The following DIAPH3 variants were observed in gnomAD, a reference collection of about 807,000 sequenced individuals.
DIAPH3 encodes diaphanous related formin 3.
In DIAPH3, 117 loss-of-function variants were observed where a neutral mutation model predicts 144.3. That is an observed-to-expected ratio of 0.81 (90% CI 0.70 to 0.95). DIAPH3 has a LOEUF of 0.95. Among genes scored for constraint, DIAPH3 ranks in the 40% least tolerant of loss-of-function variants. The pLI, the probability that DIAPH3 is intolerant of heterozygous loss-of-function variation, is 0.00. For synonymous variants in DIAPH3, 519 were observed against 488.9 expected, an observed-to-expected ratio of 1.06 and a Z score of -0.81; for missense variants, 1,421 against 1,412.7, an observed-to-expected ratio of 1.01 and a Z score of -0.09.
At chr13:59,895,276 G>GA (rs1212111001) in intron 20 of DIAPH3, among the ~76,000 whole-genome samples, 17 of 151,988 alleles carry the variant, frequency 1.1e-4, no homozygotes, top group South Asian at 4.2e-4. Flanking sequence ...CACTAAACGG[G>GA]AAAAAATCAC....
At chr13:60,050,463 T>G (rs59624755) in intron 4 of DIAPH3, among the ~76,000 whole-genome samples, 21 of 152,250 alleles carry the variant, frequency 1.4e-4, no homozygotes, top group African/African-American at 4.8e-4. Flanking sequence ...GAGTGTCAAA[T>G]GTTTTTGTAT....
intron 22 of DIAPH3, among the ~76,000 whole-genome samples, chr13:59,842,550 G>A (rs999508785): frequency 1.3e-5 from 2 of 151,932 alleles, no homozygotes; most frequent in Admixed American, 1.3e-4. Context: ...CTTCAATTCC[G>A]ATACTAACTA....
At chr13:60,137,825 G>C (rs116904670) in intron 1 of DIAPH3, among the ~76,000 whole-genome samples, 5,515 of 148,240 alleles carry the variant, frequency 0.037, 134 homozygotes, top group East Asian at 0.062. Flanking sequence ...TCAGGTTCAA[G>C]TGATGCTCCT....
intron 22 of DIAPH3, among the ~76,000 whole-genome samples, chr13:59,850,400 T>G (rs1419163525): frequency 2.0e-5 from 3 of 151,602 alleles, no homozygotes; most frequent in African/African-American, 4.9e-5. Context: ...CTTGTGCCAG[T>G]TTTCAAAGGG....
chr13:59,830,225 C>T (rs1333428926), intron 24 of DIAPH3, among the ~76,000 whole-genome samples: 2 of 151,598 alleles, frequency 1.3e-5, no homozygotes, highest in South Asian at 4.2e-4. Flanking sequence ...GAGTTTTTGC[C>T]AATATTGCTA....
chr13:60,127,122 A>G (rs970005366), intron 2 of DIAPH3, among the ~76,000 whole-genome samples: 2 of 152,146 alleles, frequency 1.3e-5, no homozygotes, highest in African/African-American at 2.4e-5. Flanking sequence ...AGAAAAACAC[A>G]GAAAACACAA....
Position 59,735,099 on chromosome 13 carries a change from C to G in DIAPH3, c.3319+39090G>C, listed in dbSNP as rs535688890. On this transcript the variant is annotated intron_variant, in intron 27 of 27. Coordinates refer to ENST00000400324, the MANE Select transcript of DIAPH3 (RefSeq NM_001042517.2). ...TTTACAAAATATTATAATAAGACTT[C>G]TTGAAAAACAGAATTTTTTTTTACT... Among the ~76,000 whole-genome samples the G allele has an allele frequency of 1.4e-4, 21 of 151,498 alleles. No homozygotes were observed. In the South Asian group the frequency reaches 4.2e-3, roughly 30 times the overall value.
intron 27 of DIAPH3, among the ~76,000 whole-genome samples, chr13:59,673,831 A>G (rs1373261041): frequency 1.3e-5 from 2 of 152,170 alleles, no homozygotes; most frequent in Non-Finnish European, 2.9e-5. Flanking sequence ...TTACACATCA[A>G]TGTGCAGGGA....
chr13:60,107,926 C>T (rs2138036161), intron 3 of DIAPH3, among the ~76,000 whole-genome samples: 1 of 152,246 alleles, frequency 6.6e-6, no homozygotes, highest in Admixed American at 6.5e-5. Context: ...ATTCTCTCAA[C>T]CGATAGTGAA....
intron 2 of DIAPH3, among the ~76,000 whole-genome samples, chr13:60,120,679 T>G (rs892029140): frequency 6.6e-6 from 1 of 152,206 alleles, no homozygotes; most frequent in South Asian, 2.1e-4. Flanking sequence ...CCAGCTGTCA[T>G]GCCATGGAGC....
chr13:59,943,594 A>C (rs2048652130), intron 17 of DIAPH3, among the ~76,000 whole-genome samples: 1 of 152,182 alleles, frequency 6.6e-6, no homozygotes, highest in South Asian at 2.1e-4. Context: ...AAGAATACAG[A>C]AAAGTCAAAT....
Position 60,103,631 on chromosome 13 carries a change from A to G in DIAPH3, c.390+8379T>C, listed in dbSNP as rs568170458. On this transcript the variant is annotated intron_variant, in intron 3 of 27. Coordinates refer to ENST00000400324, the MANE Select transcript of DIAPH3 (RefSeq NM_001042517.2). Reference sequence around the variant, plus strand: ...CAAAACCAAACATTTATTCCTATTAAGTCAACAGCAATCATCTAATTTCAA... The same window carrying G: ...CAAAACCAAACATTTATTCCTATTAGGTCAACAGCAATCATCTAATTTCAA... 5.3e-5 allele frequency among the ~76,000 whole-genome samples: 8 copies of G among 152,378 alleles called. No homozygotes were observed. The South Asian group carries it at 1.7e-3, about 32-fold the overall frequency.
intron 18 of DIAPH3, among the ~76,000 whole-genome samples, chr13:59,918,552 G>A (rs1247452992): frequency 6.6e-6 from 1 of 152,134 alleles, no homozygotes; most frequent in Non-Finnish European, 1.5e-5. Context: ...AACCACGAAA[G>A]TAAGCCTGAT....
chr13:59,940,068 C>A (rs2048454197), intron 17 of DIAPH3, among the ~76,000 whole-genome samples: 1 of 152,070 alleles, frequency 6.6e-6, no homozygotes, highest in Non-Finnish European at 1.5e-5. Context: ...TGTTTTCGAG[C>A]CTGCCCCCAC....
chr13:60,062,209 T>C (rs1003713621), intron 4 of DIAPH3, among the ~76,000 whole-genome samples: 1 of 152,150 alleles, frequency 6.6e-6, no homozygotes, highest in African/African-American at 2.4e-5. Context: ...TCAAAAAACA[T>C]TTTAAAAAAT....
At chr13:59,687,437 C>G (rs755965730) in intron 27 of DIAPH3, among the ~76,000 whole-genome samples, 1 of 152,104 alleles carries the variant, frequency 6.6e-6, no homozygotes, top group African/African-American at 2.4e-5. Context: ...GTATTTGTCT[C>G]CAACAAATAC....
chr13:60,101,499 C>T (rs544525922), intron 3 of DIAPH3, among the ~76,000 whole-genome samples: 1 of 152,068 alleles, frequency 6.6e-6, no homozygotes, highest in South Asian at 2.1e-4. Flanking sequence ...TCTTAAACCA[C>T]CATGAGATAT....
At chr13:59,835,339 T>G (rs1310392191) in intron 23 of DIAPH3, among the ~76,000 whole-genome samples, 1 of 151,582 alleles carries the variant, frequency 6.6e-6, no homozygotes, top group Non-Finnish European at 1.5e-5. Flanking sequence ...GAATCAGATT[T>G]TTAACATAGT....
At chr13:59,847,667 C>T (rs997258823) in intron 22 of DIAPH3, among the ~76,000 whole-genome samples, 4 of 152,132 alleles carry the variant, frequency 2.6e-5, no homozygotes, top group Admixed American at 2.6e-4. Flanking sequence ...GTTCTGTGTA[C>T]ATGTACATGG....
Sources: allele counts gnomAD v4.1 joint callset (sites outside exome capture counted in the v4.1 genomes callset), GRCh38; gene constraint gnomAD v4.1.1; transcripts MANE v1.5; gene names NCBI Gene and HGNC (gene_info 2026-07-23, HGNC 2026-07-21).